The following ANOS1 variants were observed in gnomAD, a reference collection of about 807,000 sequenced individuals.
ANOS1 encodes anosmin-1.
Under a neutral mutation model 59.0 loss-of-function variants are expected in ANOS1, and 6 were observed. The observed-to-expected ratio is 0.10, with a 90% CI of 0.06 to 0.20. The LOEUF is 0.20. Ranked by LOEUF, ANOS1 falls within the 10% of genes least tolerant of loss-of-function variation. The probability of loss-of-function intolerance (pLI) is 1.00; values close to 1 mark genes in which losing one functional copy is unlikely to be tolerated. For synonymous variants in ANOS1, 217 were observed against 223.4 expected (o/e 0.97, Z 0.25); for missense variants, 433 against 542.3 (o/e 0.80, Z 2.00).
intron 2 of ANOS1, among the ~76,000 whole-genome samples, chrX:8,697,849 GCACAT>G (rs1932706325): frequency 9.0e-6 from 1 of 111,519 alleles, no homozygotes; most frequent in Admixed American, 9.6e-5. Flanking sequence ...TCATCAATAT[GCACAT>G]GCCTGAATTT....
chrX:8,712,553 G>A lies in ANOS1; in HGVS notation c.208-12808C>T, dbSNP rs984449681. 6.2e-4 allele frequency among the ~76,000 whole-genome samples: 69 copies of A among 112,154 alleles called. No individual in the cohort carries two copies. The Admixed American group carries it at 6.3e-3, about 10-fold the overall frequency. ...ATAATCTATGTGTTAATATGTTCACGTATTATTTTTTCAATTTGCTTCAAC... is the reference window on the plus strand; with the variant it reads ...ATAATCTATGTGTTAATATGTTCACATATTATTTTTTCAATTTGCTTCAAC... On this transcript the variant is annotated intron_variant, in intron 1 of 13. Coordinates refer to ENST00000262648, the MANE Select transcript of ANOS1 (RefSeq NM_000216.4).
At chrX:8,679,195 C>G (rs1932382369) in intron 2 of ANOS1, among the ~76,000 whole-genome samples, 2 of 111,274 alleles carry the variant, frequency 1.8e-5, no homozygotes, top group Non-Finnish European at 3.8e-5. Context: ...GAGGATGATA[C>G]CATCCTGCCA....
rs981654109 is a variant in ANOS1 at position 8,529,910 on chromosome X, A to G, written c.*3085T>C. ...AGACAAACCCCCACAACAGAGAACT[A>G]TCCAGCCCCAAAAGTCAATAGTGTT... On this transcript the variant is annotated 3_prime_UTR_variant, in exon 14 of 14. Transcript: ENST00000262648. 1 of 111,725 alleles carries G rather than the reference A, an allele frequency of 9.0e-6. No homozygotes were observed. Among genetic ancestry groups the G allele is most frequent in the African/African-American group, 3.3e-5 (1 of 30,716 alleles). The allele number at this position is 111,725 out of a possible 1,213,427, so 9.2% of individuals were successfully genotyped here. A position where few individuals can be genotyped will look rare whatever the true frequency, so the allele number is the denominator to read the frequency against.
In ANOS1 at chrX:8,535,262, G is replaced by A. The variant is rs79897600; in HGVS notation, c.1842+329C>T. 1,316 of 264,239 alleles carry A rather than the reference G, an allele frequency of 5.0e-3. 15 individuals carry two copies. The highest frequency in any genetic ancestry group is 0.033 in the African/African-American group (1,223 of 36,533). 21.8% of individuals were successfully genotyped at this position (264,239 alleles called of 1,213,427 possible). A position where few individuals can be genotyped will look rare whatever the true frequency, so the allele number is the denominator to read the frequency against. On this transcript the variant is annotated intron_variant, in intron 12 of 13. Transcript: ENST00000262648. ...TCCCCAATTCAACACTTCAAACAGG[G>A]CATGTTCACTTGGACCAGAGAGACA...
chrX:8,717,944 T>C lies in ANOS1; in HGVS notation c.207+13886A>G, dbSNP rs918437742. On this transcript the variant is annotated intron_variant, in intron 1 of 13. Transcript: ENST00000262648. The stretch of plus-strand genomic sequence containing the variant: ...CCAAGCGTGGTGGTACAGGCCTGTA[T>C]ACCAGCTACTTGAAAGGCTGAGGTG... 8.2e-5 allele frequency among the ~76,000 whole-genome samples: 9 copies of C among 110,017 alleles called. No homozygotes were observed. In the Admixed American group the frequency reaches 8.7e-4, roughly 11 times the overall value.
At chrX:8,597,514 A>G (rs1263087463) in intron 3 of ANOS1, among the ~76,000 whole-genome samples, 1 of 110,728 alleles carries the variant, frequency 9.0e-6, no homozygotes, top group Non-Finnish European at 1.9e-5. Flanking sequence ...ACGTTCACAG[A>G]TCATATATTC....
At chrX:8,659,584 G>GCCTTCCTTCCTTCCTTCCTTCCTT (rs201790891) in intron 2 of ANOS1, among the ~76,000 whole-genome samples, 2 of 57,689 alleles carry the variant, frequency 3.5e-5, no homozygotes, top group African/African-American at 2.1e-4. Flanking sequence ...TTGCTTGCTT[G>GCCTTCCTTCCTTCCTTCCTTCCTT]CCTTCCTTCC....
At chrX:8,628,616 C>A (rs971369784) in intron 2 of ANOS1, among the ~76,000 whole-genome samples, 17 of 111,852 alleles carry the variant, frequency 1.5e-4, no homozygotes, top group African/African-American at 5.2e-4. Context: ...GAATGTATTA[C>A]ATAAACTCCT....
chrX:8,552,773 TTTAA>T (rs764739913), intron 9 of ANOS1, among the ~76,000 whole-genome samples: 8 of 110,552 alleles, frequency 7.2e-5, no homozygotes, highest in African/African-American at 1.6e-4. Context: ...ATGTTGATAT[TTTAA>T]TTAATCAATA....
At chrX:8,588,782 T>C (rs1372842140) in intron 4 of ANOS1, among the ~76,000 whole-genome samples, 1 of 112,339 alleles carries the variant, frequency 8.9e-6, no homozygotes, top group African/African-American at 3.2e-5. Context: ...CAGTTCAAAA[T>C]AGCAGGCATT....
Position 8,637,214 on chromosome X carries a change from T to C in ANOS1, c.256-13544A>G, listed in dbSNP as rs1020868351. On this transcript the variant is annotated intron_variant, in intron 2 of 13. Coordinates refer to ENST00000262648, the MANE Select transcript of ANOS1 (RefSeq NM_000216.4). ...ACTACTGCAGTCTTTCAAGAGATTT[T>C]GCACAGGGTTTAGAAGAGCCTCCTT... 6.2e-5 allele frequency among the ~76,000 whole-genome samples: 7 copies of C among 112,108 alleles called. No individual in the cohort carries two copies. In the Admixed American group the frequency reaches 6.6e-4, roughly 11 times the overall value.
At chrX:8,541,182 ATCACTAGG>A (rs1370523263) in intron 9 of ANOS1, among the ~76,000 whole-genome samples, 2 of 105,543 alleles carry the variant, frequency 1.9e-5, no homozygotes, top group African/African-American at 6.9e-5. Flanking sequence ...AGGCAGGCAG[ATCACTAGG>A]TCAGGAGTTT....
At chrX:8,610,031 A>AC (rs1931021791) in intron 3 of ANOS1, among the ~76,000 whole-genome samples, 4 of 89,988 alleles carry the variant, frequency 4.4e-5, no homozygotes, top group Admixed American at 1.3e-4. Context: ...AAAAAAAAAA[A>AC]AAAACAACAA....
At chrX:8,554,661 T>C (rs1929921081) in intron 8 of ANOS1, among the ~76,000 whole-genome samples, 1 of 104,763 alleles carries the variant, frequency 9.5e-6, no homozygotes, top group Admixed American at 1.1e-4. Context: ...GGTAAAGGGT[T>C]CAATGCAACA....
At chrX:8,572,333 G>C (rs754070138) in intron 6 of ANOS1, among the ~76,000 whole-genome samples, 11 of 108,838 alleles carry the variant, frequency 1.0e-4, no homozygotes, top group Admixed American at 9.1e-4. Flanking sequence ...CCCTCCATGT[G>C]TCCATGTGTT....
intron 3 of ANOS1, among the ~76,000 whole-genome samples, chrX:8,620,379 G>A (rs1057083051): frequency 5.4e-5 from 6 of 111,800 alleles, no homozygotes; most frequent in African/African-American, 2.0e-4. Context: ...TAAACATACC[G>A]GGCCGAACAT....
rs1264968158 is a variant in ANOS1, at chrX:8,727,579, G to T, written c.207+4251C>A. On this transcript the variant is annotated intron_variant, in intron 1 of 13. Transcript: ENST00000262648. The stretch of plus-strand genomic sequence containing the variant: ...GCAGGAGCAGCTGGCCTATGAAGGG[G>T]AGGCACCTGGCTCAATTTCCAGAGG... Among the ~76,000 whole-genome samples, 3 of 112,366 alleles carry T rather than the reference G, an allele frequency of 2.7e-5. No individual in the cohort carries two copies. In the Admixed American group the frequency reaches 2.8e-4, roughly 11 times the overall value.
chrX:8,554,448 A>T (rs1395170526), intron 8 of ANOS1, among the ~76,000 whole-genome samples: 1 of 109,841 alleles, frequency 9.1e-6, no homozygotes. Flanking sequence ...TTGGCAGACC[A>T]GGAGATTCCC....
At chrX:8,605,976 G>T (rs923643319) in intron 3 of ANOS1, among the ~76,000 whole-genome samples, 2 of 98,703 alleles carry the variant, frequency 2.0e-5, no homozygotes, top group Admixed American at 1.1e-4. Flanking sequence ...TGTGCCTTGT[G>T]GGGGGGTTGT....
Sources: allele counts gnomAD v4.1 joint callset (sites outside exome capture counted in the v4.1 genomes callset), GRCh38; gene constraint gnomAD v4.1.1; transcripts MANE v1.5; gene names NCBI Gene and HGNC (gene_info 2026-07-23, HGNC 2026-07-21).